DNAH5: variants seen among roughly 807,000 people sequenced by gnomAD.
DNAH5 encodes the protein axonemal beta dynein heavy chain 5.
Under a neutral mutation model 518.2 loss-of-function variants are expected in DNAH5, and 372 were observed. The ratio of observed to expected loss-of-function variants is 0.72; its 90% CI spans 0.66 to 0.78. The LOEUF (loss-of-function observed/expected upper bound fraction) is 0.78. Ranked by LOEUF, DNAH5 falls within the 30% of genes least tolerant of loss-of-function variation. The pLI is 0.00. For missense variants in DNAH5, 5,523 were observed against 5,687.0 expected, an observed-to-expected ratio of 0.97 and a Z score of 0.93; for synonymous variants, 2,039 against 2,025.9, an observed-to-expected ratio of 1.01 and a Z score of -0.17.
intron 30 of DNAH5, among the ~76,000 whole-genome samples, chr5:13,855,619 T>G (rs916407305): frequency 2.0e-5 from 3 of 152,178 alleles, no homozygotes; most frequent in Non-Finnish European, 4.4e-5. Flanking sequence ...TATTCAGGAC[T>G]TGAACTCAGC....
chr5:13,820,824 C>CAAAA (rs70964510), intron 40 of DNAH5, among the ~76,000 whole-genome samples: 39 of 66,312 alleles, frequency 5.9e-4, no homozygotes, highest in South Asian at 1.2e-3. Context: ...TACTCCGTCT[C>CAAAA]AAAAAAAAAA....
intron 1 of DNAH5, among the ~76,000 whole-genome samples, chr5:13,980,205 C>T (rs1471692751): frequency 6.6e-6 from 1 of 152,098 alleles, no homozygotes; most frequent in Non-Finnish European, 1.5e-5. Flanking sequence ...CTGCACTGAC[C>T]TGCTGGCTTC....
At chr5:13,920,684 G>A in intron 5 of DNAH5, 67 bp from the exon 6 acceptor site, 1 of 1,585,820 alleles carries the variant, frequency 6.3e-7, no homozygotes, top group Non-Finnish European at 8.7e-7. Context: ...TGGGCCCTGT[G>A]TTTTCCACTT....
At chr5:14,008,060 T>C (rs1238694975) in intron 1 of DNAH5, among the ~76,000 whole-genome samples, 1 of 151,036 alleles carries the variant, frequency 6.6e-6, no homozygotes, top group Non-Finnish European at 1.5e-5. Flanking sequence ...TAATCCCAAC[T>C]ACTTGGGAGG....
In DNAH5 at chr5:13,885,193, A is replaced by G. The variant is rs752452948; in HGVS notation, c.2779T>C (p.Ser927Pro). 1.2e-6 allele frequency: 2 copies of G among 1,614,110 alleles called. No individual in the cohort carries two copies. The highest frequency in any genetic ancestry group is 4.5e-5 in the East Asian group (2 of 44,900). Residue 927 changes from serine (S) to proline (P), a missense_variant, in exon 19 of 79, where the codon TCA (serine) becomes CCA (proline). Ser to Pro is a moderately conservative substitution (Grantham distance 74, BLOSUM62 -1). Transcript: ENST00000265104. ...REEGNFDTLT[S>P]SINARANALL... is the part of the protein sequence containing the mutation. ...GCATTGGCCCTGGCATTAATAGATGATGTCAAGGTGTCAAAATTTCCTTCT... is the reference window on the plus strand; with the variant it reads ...GCATTGGCCCTGGCATTAATAGATGGTGTCAAGGTGTCAAAATTTCCTTCT...
At position 13,820,844 on chromosome 5, in the gene DNAH5, A is replaced by AC. The variant is rs1762148123; in HGVS notation, c.6688-346dup. Among the ~76,000 whole-genome samples the AC allele has an allele frequency of 2.8e-5, 4 of 143,052 alleles. No homozygotes were observed. In the South Asian group the frequency reaches 6.7e-4, roughly 24 times the overall value. 93.8% of individuals were successfully genotyped at this position (143,052 alleles called of 152,430 possible). ...CGTCTCAAAAAAAAAAAAAAAAAAA[A>AC]CACATCAATGACAATCTCAATTTAC... On this transcript the variant is annotated intron_variant, in intron 40 of 78. Transcript: ENST00000265104.
At chr5:13,832,441 G>C (rs969211936) in intron 35 of DNAH5, among the ~76,000 whole-genome samples, 6 of 152,226 alleles carry the variant, frequency 3.9e-5, no homozygotes, top group African/African-American at 1.4e-4. Flanking sequence ...ATCTGTCACA[G>C]CATCTCCCTG....
intron 2 of DNAH5, among the ~76,000 whole-genome samples, chr5:13,929,171 G>A (rs1053865545): frequency 2.0e-5 from 3 of 152,196 alleles, no homozygotes; most frequent in African/African-American, 7.2e-5. Flanking sequence ...GGGGAATCCT[G>A]GCACATGCTA....
Position 13,783,058 on chromosome 5 carries a change from G to A in DNAH5, c.8821-2099C>T, listed in dbSNP as rs115657407. ...ATGGCAACCAGAGAAAAGAATGCTG[G>A]GGAAACATCCCCGCCTGGGTGAGGT... is the stretch of plus-strand genomic sequence containing the variant. On this transcript the variant is annotated intron_variant, in intron 52 of 78. Coordinates refer to ENST00000265104, the MANE Select transcript of DNAH5 (RefSeq NM_001369.3). 7.0e-3 allele frequency among the ~76,000 whole-genome samples: 1,067 copies of A among 152,304 alleles called. 13 individuals are homozygous for A. Among genetic ancestry groups the A allele is most frequent in the African/African-American group, 0.025 (1,023 of 41,572 alleles).
intron 31 of DNAH5, among the ~76,000 whole-genome samples, chr5:13,847,927 C>T (rs768897868): frequency 6.6e-6 from 1 of 152,010 alleles, no homozygotes; most frequent in Non-Finnish European, 1.5e-5. Context: ...TGGTCCCTGC[C>T]CCTCAGTCCT....
rs374549950 is a variant in DNAH5, at chr5:13,810,112, G to A, written c.7556C>T (p.Pro2519Leu). 1.3e-5 allele frequency: 20 copies of A among 1,550,644 alleles called. No homozygotes were observed. The African/African-American group carries it at 1.6e-4, about 13-fold the overall frequency. ...GGTGTCCCCGGGCCCCGCTGGCGGCGGCAGCTCCAGCGTCCCTGTGGGCCG... is the reference window on the plus strand; with the variant it reads ...GGTGTCCCCGGGCCCCGCTGGCGGCAGCAGCTCCAGCGTCCCTGTGGGCCG... ...RSRPTGTLEL[P>L]PPAGPGDTAF... The change falls in exon 45 of 79, where the codon CCG becomes CTG. Residue 2519 changes from proline (P) to leucine (L), a missense_variant. Transcript: ENST00000265104.
intron 43 of DNAH5, among the ~76,000 whole-genome samples, chr5:13,812,642 A>G (rs540446168): frequency 6.6e-6 from 1 of 152,328 alleles, no homozygotes; most frequent in Non-Finnish European, 1.5e-5. Flanking sequence ...AAGATTTACT[A>G]CAATTAGTTG....
At chr5:13,859,815 T>C (rs1377905361) in intron 29 of DNAH5, among the ~76,000 whole-genome samples, 1 of 152,160 alleles carries the variant, frequency 6.6e-6, no homozygotes, top group Non-Finnish European at 1.5e-5. Flanking sequence ...ATCCAGAGCA[T>C]AGAGAAGGGT....
In DNAH5 at chr5:13,871,577, A is replaced by C; in HGVS notation, c.3585T>G (p.Ile1195Met). Residue 1195 changes from isoleucine to methionine, a missense_variant, in exon 23 of 79, where the codon ATT becomes ATG. Around this residue, in one of 3 missense-constraint regions of DNAH5, gnomAD observed 5,121 missense variants for 5,223.3 expected, o/e 0.98. Transcript: ENST00000265104. ...AAATGAACCAACCTGTGTACAGAGC[A>C]ATGGAACCCACACAGACATATTCAG... The part of the protein sequence containing the change: ...AEPEYVCVGS[I>M]ALYTADLKFA... 1 of 1,613,604 alleles carries C rather than the reference A, an allele frequency of 6.2e-7. No homozygotes were observed. The highest frequency in any genetic ancestry group is 8.5e-7 in the Non-Finnish European group (1 of 1,179,610).
At chr5:13,923,148 T>TA (rs879808027) in intron 4 of DNAH5, 132 bp downstream of exon 4, 10 of 1,235,900 alleles carry the variant, frequency 8.1e-6, no homozygotes, top group Non-Finnish European at 1.2e-5. Flanking sequence ...TTTAAATTTT[T>TA]AAAAAATACT....
intron 30 of DNAH5, among the ~76,000 whole-genome samples, chr5:13,855,433 C>A (rs1304162562): frequency 7.7e-6 from 1 of 130,350 alleles, no homozygotes; most frequent in African/African-American, 2.8e-5. Flanking sequence ...TGGTCTCGAT[C>A]TCCTGACCTC....
At chr5:13,883,535 C>T (rs1173478314) in intron 19 of DNAH5, among the ~76,000 whole-genome samples, 1 of 152,074 alleles carries the variant, frequency 6.6e-6, no homozygotes, top group East Asian at 1.9e-4. Flanking sequence ...CCTTTCCTAC[C>T]ATGGTGTGTA....
intron 1 of DNAH5, among the ~76,000 whole-genome samples, chr5:14,004,864 C>G (rs890072598): frequency 1.3e-5 from 2 of 152,146 alleles, no homozygotes; most frequent in Non-Finnish European, 2.9e-5. Flanking sequence ...AATAGCCTCT[C>G]AATCTCCTTT....
intron 28 of DNAH5, among the ~76,000 whole-genome samples, chr5:13,863,637 A>G (rs1267765123): frequency 6.6e-6 from 1 of 151,788 alleles, no homozygotes; most frequent in Non-Finnish European, 1.5e-5. Flanking sequence ...CTCTCATCTA[A>G]CAAGCCATCA....
Sources: gnomAD v4.1 joint callset for allele counts (sites outside exome capture counted in the v4.1 genomes callset) on GRCh38, gnomAD v4.1.1 for gene constraint, gnomAD v4.1.1 regional missense constraint, MANE v1.5 for transcripts, NCBI Gene and HGNC (gene_info 2026-07-23, HGNC 2026-07-21) for gene names.